The following BMP8B variants were observed in gnomAD, a reference collection of about 807,000 sequenced individuals.
BMP8B encodes bone morphogenetic protein 8b.
A neutral mutation model predicts 30.3 loss-of-function variants in BMP8B; 17 were observed. The ratio of observed to expected loss-of-function variants is 0.56; its 90% CI spans 0.38 to 0.84. BMP8B has a LOEUF of 0.84. Ranked by LOEUF, BMP8B falls within the 40% of genes least tolerant of loss-of-function variation. The pLI is 0.00. For synonymous variants in BMP8B, 131 were observed against 214.7 expected (o/e 0.61, Z 3.41); for missense variants, 253 against 494.6 (o/e 0.51, Z 4.63).
Position 39,775,117 on chromosome 1 carries a change from C to A in BMP8B, c.335-79G>T, listed in dbSNP as rs535903357. ...GGGGCAGAGCTGGTGTGAGCCACCG[C>A]CCCCAGCCACCCACCACTCAAGGTG... On this transcript the variant is annotated intron_variant, in intron 1 of 6. Transcript: ENST00000372827. The A allele has an allele frequency of 2.4e-5, 38 of 1,567,256 alleles. No homozygotes were observed. The African/African-American group carries it at 4.7e-4, about 19-fold the overall frequency.
At chr1:39,769,693 C>G in intron 3 of BMP8B, 1 of 1,599,502 alleles carries the variant, frequency 6.3e-7, no homozygotes, top group Non-Finnish European at 8.5e-7. Flanking sequence ...CGCCCAGATC[C>G]AGGTCCCGTC....
At chr1:39,787,413 A>C (rs557325398) in intron 1 of BMP8B, among the ~76,000 whole-genome samples, 1 of 152,332 alleles carries the variant, frequency 6.6e-6, no homozygotes, top group Non-Finnish European at 1.5e-5. Flanking sequence ...TACTGGAAAA[A>C]AAATCTCTGA....
chr1:39,788,060 G>C lies in BMP8B; in HGVS notation c.334+92C>G. The C allele has an allele frequency of 7.2e-7, 1 of 1,383,464 alleles. No homozygotes were observed. The highest frequency in any genetic ancestry group is 9.3e-7 in the Non-Finnish European group (1 of 1,071,264). The allele number at this position is 1,383,464 out of a possible 1,614,324, so 85.7% of individuals were successfully genotyped here. A position where few individuals can be genotyped will look rare whatever the true frequency, so the allele number is the denominator to read the frequency against. On this transcript the variant is annotated intron_variant, in intron 1 of 6. Coordinates refer to ENST00000372827, the MANE Select transcript of BMP8B (RefSeq NM_001720.5). The surrounding 1 kb of genome is among the most constrained non-coding windows in gnomAD (Gnocchi z 5.8). ...TCGCGTCCACCGTCTGTGACTCCCCGTTCGGCCAGGGCCCGGCACAGCCCG... is the reference window on the plus strand; with the variant it reads ...TCGCGTCCACCGTCTGTGACTCCCCCTTCGGCCAGGGCCCGGCACAGCCCG...
rs1649340305 is a variant in BMP8B, at chr1:39,763,580, A to C, written c.948+132T>G. On this transcript the variant is annotated intron_variant, in intron 5 of 6. Coordinates refer to ENST00000372827, the MANE Select transcript of BMP8B (RefSeq NM_001720.5). ...TCTCACCATATTCTCACTTTAGAAA[A>C]CTTGGAAAACACAGAAGAAAAAAAT... 5.2e-6 allele frequency: 7 copies of C among 1,334,024 alleles called. 2 individuals are homozygous for C. The South Asian group carries it at 1.0e-4, about 20-fold the overall frequency. The allele number at this position is 1,334,024 out of a possible 1,614,324, so 82.6% of individuals were successfully genotyped here.
intron 6 of BMP8B, among the ~76,000 whole-genome samples, chr1:39,762,162 G>T (rs538025948): frequency 7.9e-5 from 12 of 152,342 alleles, no homozygotes; most frequent in Admixed American, 6.5e-4. Context: ...ATTATCATAG[G>T]CTCAGAGCAG....
In BMP8B at chr1:39,788,033, G is replaced by T. The variant is rs1651112117; in HGVS notation, c.334+119C>A. 7.4e-7 allele frequency: 1 copy of T among 1,348,506 alleles called. No homozygotes were observed. The highest frequency in any genetic ancestry group is 9.5e-7 in the Non-Finnish European group (1 of 1,050,762). The allele number at this position is 1,348,506 out of a possible 1,614,324, so 83.5% of individuals were successfully genotyped here. A position where few individuals can be genotyped will look rare whatever the true frequency, so the allele number is the denominator to read the frequency against. On this transcript the variant is annotated intron_variant, in intron 1 of 6. Transcript: ENST00000372827. This position sits in a 1 kb window ranked among gnomAD's most constrained non-coding sequence, Gnocchi z 5.8. ...ACCACGGCGGTCCCACTCCCCTGTGGTTCGCGTCCACCGTCTGTGACTCCC... is the reference window on the plus strand; with the variant it reads ...ACCACGGCGGTCCCACTCCCCTGTGTTTCGCGTCCACCGTCTGTGACTCCC...
intron 1 of BMP8B, among the ~76,000 whole-genome samples, chr1:39,785,482 C>T (rs1016173234): frequency 2.0e-5 from 3 of 152,204 alleles, no homozygotes; most frequent in Admixed American, 6.5e-5. Context: ...CTGCTCTGCA[C>T]GGAGACCTGA....
rs1368173654 is a variant in BMP8B, at chr1:39,765,584, T to C, written c.674-767A>G. 6.0e-5 allele frequency among the ~76,000 whole-genome samples: 5 copies of C among 83,018 alleles called. No homozygotes were observed. The East Asian group carries it at 1.2e-3, about 20-fold the overall frequency. 54.5% of individuals were successfully genotyped at this position (83,018 alleles called of 152,430 possible). A position where few individuals can be genotyped will look rare whatever the true frequency, so the allele number is the denominator to read the frequency against. ...ACTTGGGCCTCAGCCCCAGGAGGAGTGAAGCCTGTAAACGGGATTGTCCCC... is the reference window on the plus strand; with the variant it reads ...ACTTGGGCCTCAGCCCCAGGAGGAGCGAAGCCTGTAAACGGGATTGTCCCC... On this transcript the variant is annotated intron_variant, in intron 3 of 6. Transcript: ENST00000372827.
intron 6 of BMP8B, chr1:39,762,413 A>G: frequency 7.2e-7 from 1 of 1,397,410 alleles, no homozygotes; most frequent in Non-Finnish European, 9.5e-7. Flanking sequence ...TCTAGGTAAA[A>G]AGTTCTAGAA....
chr1:39,770,423 C>A lies in BMP8B; in HGVS notation c.673+3885G>T, dbSNP rs1262186887. 2.5e-6 allele frequency: 4 copies of A among 1,608,638 alleles called. No individual in the cohort carries two copies. The highest frequency in any genetic ancestry group is 2.3e-5 in the East Asian group (1 of 44,338). Reference sequence around the variant, plus strand: ...TTTCAGGATCGTTAAGCGCTCAATTCGTTTCTCGTATTTCTGCCCCTTTAT... The same window carrying A: ...TTTCAGGATCGTTAAGCGCTCAATTAGTTTCTCGTATTTCTGCCCCTTTAT... On this transcript the variant is annotated intron_variant, in intron 3 of 6. Coordinates refer to ENST00000372827, the MANE Select transcript of BMP8B (RefSeq NM_001720.5).
intron 1 of BMP8B, among the ~76,000 whole-genome samples, chr1:39,778,072 G>A (rs1650354638): frequency 6.6e-6 from 1 of 152,256 alleles, no homozygotes; most frequent in Non-Finnish European, 1.5e-5. Flanking sequence ...GACATGGGAG[G>A]CTCGCACGTC....
intron 3 of BMP8B, chr1:39,771,423 G>T: frequency 1.3e-6 from 1 of 755,334 alleles, no homozygotes; most frequent in Non-Finnish European, 1.9e-6. Flanking sequence ...AACAGGGAGG[G>T]GGCCGGCTCC....
chr1:39,780,348 A>G (rs1267933977), intron 1 of BMP8B, among the ~76,000 whole-genome samples: 3 of 152,238 alleles, frequency 2.0e-5, no homozygotes, highest in Non-Finnish European at 4.4e-5. Context: ...CACAACTGGA[A>G]GCATCCAAGG....
intron 3 of BMP8B, chr1:39,769,812 T>C: frequency 6.2e-7 from 1 of 1,613,696 alleles, no homozygotes; most frequent in Non-Finnish European, 8.5e-7. Flanking sequence ...TCCCTCAGCG[T>C]CAGCTCTTTC....
chr1:39,782,013 G>A (rs1218216737), intron 1 of BMP8B, among the ~76,000 whole-genome samples: 5 of 152,132 alleles, frequency 3.3e-5, no homozygotes, highest in South Asian at 2.1e-4. Flanking sequence ...AAAATTAGCC[G>A]TGCGTGGTGG....
intron 1 of BMP8B, among the ~76,000 whole-genome samples, chr1:39,781,050 A>C (rs1258367178): frequency 6.6e-6 from 1 of 152,054 alleles, no homozygotes; most frequent in Non-Finnish European, 1.5e-5. Context: ...ATTTATATTG[A>C]GTTGTCTTTG....
intron 3 of BMP8B, among the ~76,000 whole-genome samples, chr1:39,766,115 C>G (rs1402926104): frequency 6.7e-6 from 1 of 149,964 alleles, no homozygotes; most frequent in Non-Finnish European, 1.5e-5. Flanking sequence ...TTATAAAATC[C>G]CTTGGAGCAG....
At chr1:39,763,873 C>T in intron 4 of BMP8B, 82 bp from the exon 5 acceptor site, 3 of 1,436,046 alleles carry the variant, frequency 2.1e-6, no homozygotes, top group Non-Finnish European at 2.9e-6. Context: ...GGGGGATGCC[C>T]TGATGAGCAC....
At chr1:39,784,934 C>G in intron 1 of BMP8B, among the ~76,000 whole-genome samples, 1 of 108,954 alleles carries the variant, frequency 9.2e-6, no homozygotes, top group Non-Finnish European at 2.2e-5. Context: ...GCTTATGCCT[C>G]AGTTTCTCAA....
Sources: allele counts gnomAD v4.1 joint callset (sites outside exome capture counted in the v4.1 genomes callset), GRCh38; gene constraint gnomAD v4.1.1; non-coding constraint Gnocchi (gnomAD v3.1); transcripts MANE v1.5; gene names NCBI Gene and HGNC (gene_info 2026-07-23, HGNC 2026-07-21).